The following TAAR5 variants were observed in gnomAD, a reference collection of about 807,000 sequenced individuals.
TAAR5 encodes trace amine associated receptor 5.
In TAAR5, 27 loss-of-function variants were observed where a neutral mutation model predicts 21.1. The ratio of observed to expected loss-of-function variants is 1.28; its 90% CI spans 0.94 to 1.76. The LOEUF (loss-of-function observed/expected upper bound fraction) is 1.76. Ranked by LOEUF, TAAR5 falls within the 40% of genes most tolerant of loss-of-function variation. The pLI is 0.00. For synonymous variants in TAAR5, 203 were observed against 167.5 expected, an observed-to-expected ratio of 1.21 and a Z score of -1.64; for missense variants, 495 against 405.6, an observed-to-expected ratio of 1.22 and a Z score of -1.89.
At chr6:132,604,890 C>A in the TAAR5 span, among the ~76,000 whole-genome samples, 1 of 152,176 alleles carries the variant, frequency 6.6e-6, no homozygotes, top group African/African-American at 2.4e-5. Flanking sequence ...GGAACCGCCA[C>A]CTCAACTAGA....
At chr6:132,612,429 C>T in the TAAR5 span, among the ~76,000 whole-genome samples, 1 of 152,136 alleles carries the variant, frequency 6.6e-6, no homozygotes, top group South Asian at 2.1e-4. Context: ...ATGAAAATTT[C>T]TTCTGGTATT....
chr6:132,601,014 A>AGGGAAGG, the TAAR5 span, among the ~76,000 whole-genome samples: 320 of 58,848 alleles, frequency 5.4e-3, 66 homozygotes, highest in Non-Finnish European at 8.1e-3. Context: ...GGAAGGAAGG[A>AGGGAAGG]AGGGGGGAAG....
the TAAR5 span, among the ~76,000 whole-genome samples, chr6:132,599,233 T>G: frequency 4.6e-5 from 7 of 151,908 alleles, no homozygotes; most frequent in African/African-American, 1.7e-4. Flanking sequence ...CTTCAAGGAG[T>G]TTCCATTGAT....
the TAAR5 span, among the ~76,000 whole-genome samples, chr6:132,601,355 A>G: frequency 6.6e-6 from 1 of 152,226 alleles, no homozygotes; most frequent in Admixed American, 6.5e-5. Flanking sequence ...GTATATATTC[A>G]TCTGTCCACA....
the TAAR5 span, among the ~76,000 whole-genome samples, chr6:132,615,150 G>A: frequency 6.6e-6 from 1 of 152,030 alleles, no homozygotes; most frequent in Admixed American, 6.6e-5. Context: ...GCATCTCTGT[G>A]TGTTTTTAAT....
chr6:132,592,213 T>C (rs375436945), upstream of TAAR5, among the ~76,000 whole-genome samples: 7 of 152,372 alleles, frequency 4.6e-5, 1 homozygote, highest in South Asian at 6.2e-4. Flanking sequence ...CCCCGCTGCA[T>C]CATGTGTAGC....
At chr6:132,613,380 G>T in the TAAR5 span, among the ~76,000 whole-genome samples, 1 of 152,080 alleles carries the variant, frequency 6.6e-6, no homozygotes, top group Non-Finnish European at 1.5e-5. Context: ...CTTCCTCCCT[G>T]CTTTTCCTCA....
upstream of TAAR5, among the ~76,000 whole-genome samples, chr6:132,592,172 A>C (rs985482630): frequency 2.6e-5 from 4 of 152,254 alleles, no homozygotes; most frequent in African/African-American, 9.6e-5. Context: ...AAGGTCTTGA[A>C]TAAAAGAACA....
At chr6:132,596,771 G>A in the TAAR5 span, among the ~76,000 whole-genome samples, 1 of 152,062 alleles carries the variant, frequency 6.6e-6, no homozygotes, top group Non-Finnish European at 1.5e-5. Context: ...CCTTTATAAA[G>A]TGCAGACTAG....
At position 132,589,240 on chromosome 6, in the gene TAAR5, C is replaced by T. The variant is rs771554330; in HGVS notation, c.447G>A (p.Arg149=). ...PLLYPSKFTV[R]VALRYILAGW... is the part of the protein sequence containing the mutation. ...CTGCCAGGATGTACCTGAGAGCCAC[C>T]CTCACTGTGAACTTGGAGGGATAGA... Residue 149 remains arginine, a synonymous_variant, in exon 1 of 1, where the codon AGG becomes AGA. Transcript: ENST00000258034. The T allele has an allele frequency of 2.5e-6, 4 of 1,607,228 alleles. No homozygotes were observed. The highest frequency in any genetic ancestry group is 1.1e-5 in the South Asian group (1 of 89,476).
At chr6:132,599,579 T>C in the TAAR5 span, among the ~76,000 whole-genome samples, 1 of 152,100 alleles carries the variant, frequency 6.6e-6, no homozygotes, top group Non-Finnish European at 1.5e-5. Context: ...TCCACCTGCA[T>C]CCGCCTCCCA....
At chr6:132,610,103 C>G in the TAAR5 span, among the ~76,000 whole-genome samples, 1 of 152,182 alleles carries the variant, frequency 6.6e-6, no homozygotes, top group African/African-American at 2.4e-5. Flanking sequence ...CCCAGTTACT[C>G]AAATCTCACA....
chr6:132,596,247 A>C, the TAAR5 span, among the ~76,000 whole-genome samples: 2 of 152,148 alleles, frequency 1.3e-5, no homozygotes, highest in African/African-American at 4.8e-5. Context: ...GTGAGTGCTC[A>C]TTGTTTAATC....
At chr6:132,596,175 A>G in the TAAR5 span, among the ~76,000 whole-genome samples, 1 of 152,194 alleles carries the variant, frequency 6.6e-6, no homozygotes, top group Non-Finnish European at 1.5e-5. Context: ...TCATGAATTC[A>G]AGCTCAAGTT....
At chr6:132,599,315 TTTC>T in the TAAR5 span, among the ~76,000 whole-genome samples, 1 of 141,460 alleles carries the variant, frequency 7.1e-6, no homozygotes, top group Non-Finnish European at 1.5e-5. Context: ...CAGCAAAGCT[TTTC>T]TTTTCTTTTT....
chr6:132,592,975 A>AGACT (rs1776927600), upstream of TAAR5, among the ~76,000 whole-genome samples: 5 of 152,162 alleles, frequency 3.3e-5, no homozygotes, highest in Admixed American at 3.3e-4. Context: ...AGCTTACCAC[A>AGACT]GACTTTGCCA....
the TAAR5 span, among the ~76,000 whole-genome samples, chr6:132,610,354 C>T: frequency 1.3e-5 from 2 of 152,092 alleles, no homozygotes; most frequent in Non-Finnish European, 2.9e-5. Flanking sequence ...AGAGGAGACA[C>T]CCTAGGCCTA....
At chr6:132,608,779 A>T in the TAAR5 span, 1 of 456,016 alleles carries the variant, frequency 2.2e-6, no homozygotes, top group South Asian at 1.5e-5. Flanking sequence ...CTCAGATAGA[A>T]CTAAACCAAA....
the TAAR5 span, among the ~76,000 whole-genome samples, chr6:132,613,450 C>A: frequency 6.6e-5 from 10 of 152,068 alleles, no homozygotes; most frequent in African/African-American, 2.4e-4. Flanking sequence ...TTTATGTTAT[C>A]TATTATGTTG....
Sources: gnomAD v4.1 joint callset for allele counts (sites outside exome capture counted in the v4.1 genomes callset) on GRCh38, gnomAD v4.1.1 for gene constraint, MANE v1.5 for transcripts, NCBI Gene and HGNC (gene_info 2026-07-23, HGNC 2026-07-21) for gene names.